PLXNA1: variants seen among roughly 807,000 people sequenced by gnomAD.
PLXNA1 encodes plexin-A1.
A neutral mutation model predicts 191.7 loss-of-function variants in PLXNA1; 77 were observed. The ratio of observed to expected loss-of-function variants is 0.40; its 90% CI spans 0.33 to 0.49. PLXNA1 has a LOEUF of 0.49. Among genes scored for constraint, PLXNA1 ranks in the 20% least tolerant of loss-of-function variants. The pLI, the probability that PLXNA1 is intolerant of heterozygous loss-of-function variation, is 0.63. For missense variants in PLXNA1, 2,110 were observed against 2,660.2 expected, an observed-to-expected ratio of 0.79 and a Z score of 4.55; for synonymous variants, 1,137 against 1,156.4, an observed-to-expected ratio of 0.98 and a Z score of 0.34.
At chr3:126,996,933 G>A (rs909895911) in intron 3 of PLXNA1, among the ~76,000 whole-genome samples, 14 of 152,216 alleles carry the variant, frequency 9.2e-5, no homozygotes, top group East Asian at 3.9e-4. Context: ...ACATGGAAGC[G>A]TGCATTGGGG....
At chr3:126,985,958 TCCCTTC>T (rs5852503) in intron 1 of PLXNA1, among the ~76,000 whole-genome samples, 22,628 of 152,180 alleles carry the variant, frequency 0.15, 1,941 homozygotes, top group African/African-American at 0.22. Flanking sequence ...CCCAGGCAAG[TCCCTTC>T]CCAGCAGACT....
In PLXNA1 at chr3:127,034,073, G is replaced by A. The variant is rs953576886; in HGVS notation, c.*56G>A. The A allele has an allele frequency of 2.1e-5, 31 of 1,457,110 alleles. No homozygotes were observed. In the African/African-American group the frequency reaches 3.3e-4, roughly 16 times the overall value. The allele number at this position is 1,457,110 out of a possible 1,614,324, so 90.3% of individuals were successfully genotyped here. A position where few individuals can be genotyped will look rare whatever the true frequency, so the allele number is the denominator to read the frequency against. On this transcript the variant is annotated 3_prime_UTR_variant, in exon 32 of 32. Coordinates refer to ENST00000393409, the MANE Select transcript of PLXNA1 (RefSeq NM_032242.4). Reference sequence around the variant, plus strand: ...GCGTGAGGACAGCTGAGCAGGGACCGGGACAGCCCTCACCGCATGCGTGTG... The same window carrying A: ...GCGTGAGGACAGCTGAGCAGGGACCAGGACAGCCCTCACCGCATGCGTGTG...
At chr3:127,017,059 CCCACCTCGGT>C in intron 17 of PLXNA1, 22 bp downstream of exon 17, 1 of 1,597,998 alleles carries the variant, frequency 6.3e-7, no homozygotes, top group Non-Finnish European at 8.6e-7. Flanking sequence ...CCCTCAGCTG[CCCACCTCGGT>C]CCAGGCCTTC....
chr3:127,003,316 C>T lies in PLXNA1; in HGVS notation c.1378-14C>T, dbSNP rs1475557262. On this transcript the variant is annotated splice_polypyrimidine_tract_variant and intron_variant, in intron 3 of 31. Coordinates refer to ENST00000393409, the MANE Select transcript of PLXNA1 (RefSeq NM_032242.4). ...TATCAGCACAGCTCCAGTTAGGGCC[C>T]CTTGCTGCCGCAGATCCTGGTGGAC... is the stretch of plus-strand genomic sequence containing the variant. The T allele has an allele frequency of 2.5e-6, 4 of 1,582,038 alleles. No homozygotes were observed. The highest frequency in any genetic ancestry group is 3.4e-5 in the Admixed American group (2 of 58,576).
In PLXNA1 at chr3:127,028,270, G is replaced by C. The variant is rs1208851624; in HGVS notation, c.4599G>C (p.Glu1533Asp). Residue 1533 changes from glutamate (E) to aspartate (D), a missense_variant, in exon 25 of 32, where the codon GAG becomes GAC. Glu to Asp is a conservative substitution (Grantham distance 45). Coordinates refer to ENST00000393409, the MANE Select transcript of PLXNA1 (RefSeq NM_032242.4). ...LDCDTVTQAK[E>D]KLLDAAYKGV... ...GTGACACGGTCACCCAGGCCAAGGA[G>C]AAGCTGCTGGACGCTGCCTACAAGG... 6.2e-7 allele frequency: 1 copy of C among 1,612,886 alleles called. No homozygotes were observed. Among genetic ancestry groups the C allele is most frequent in the South Asian group, 1.1e-5 (1 of 91,090 alleles).
intron 23 of PLXNA1, among the ~76,000 whole-genome samples, chr3:127,025,102 C>T (rs1430051381): frequency 2.0e-5 from 3 of 152,126 alleles, no homozygotes; most frequent in Non-Finnish European, 2.9e-5. Context: ...CGTTTCTGTG[C>T]GGGCTCACTC....
chr3:127,006,316 G>C (rs543686391), intron 8 of PLXNA1, 138 bp downstream of exon 8: 2 of 707,032 alleles, frequency 2.8e-6, no homozygotes, highest in Non-Finnish European at 5.0e-6. Flanking sequence ...CATGATTGGG[G>C]CTCCTGAGGC....
At chr3:127,000,262 T>C (rs2079033502) in intron 3 of PLXNA1, among the ~76,000 whole-genome samples, 1 of 152,126 alleles carries the variant, frequency 6.6e-6, no homozygotes, top group Non-Finnish European at 1.5e-5. Flanking sequence ...AGGGCATGCC[T>C]GTGGCCCGTT....
Position 126,989,226 on chromosome 3 carries a change from G to C in PLXNA1, c.633G>C (p.Glu211Asp), listed in dbSNP as rs765242147. Residue 211 changes from glutamate to aspartate, a missense_variant, in exon 2 of 32, where the codon GAG (glutamate) becomes GAC (aspartate). Transcript: ENST00000393409. ...LSSRRLMANE[E>D]DADMFGFVYQ... Reference sequence around the variant, plus strand: ...GCCGTCGGCTCATGGCCAACGAGGAGGATGCCGACATGTTCGGCTTCGTGT... The same window carrying C: ...GCCGTCGGCTCATGGCCAACGAGGACGATGCCGACATGTTCGGCTTCGTGT... 4 of 1,613,664 alleles carry C rather than the reference G, an allele frequency of 2.5e-6. No homozygotes were observed. Among genetic ancestry groups the C allele is most frequent in the Non-Finnish European group, 3.4e-6 (4 of 1,180,050 alleles).
chr3:127,009,629 T>C (rs187397214), intron 9 of PLXNA1, among the ~76,000 whole-genome samples: 2 of 128,000 alleles, frequency 1.6e-5, no homozygotes, highest in East Asian at 5.2e-4. Flanking sequence ...GAGACAGGAG[T>C]GTACTACATT....
At position 127,032,573 on chromosome 3, in the gene PLXNA1, C is replaced by A. The variant is rs2079216838; in HGVS notation, c.5418C>A (p.Ile1806=). Reference sequence around the variant, plus strand: ...ACAAGCTGCTCTACGCCAAGGACATCCCCAACTACAAGAGCTGGGTGGAGA... The same window carrying A: ...ACAAGCTGCTCTACGCCAAGGACATACCCAACTACAAGAGCTGGGTGGAGA... The part of the protein sequence containing the change: ...PSNKLLYAKD[I]PNYKSWVERY... The change falls in exon 30 of 32, where the codon ATC becomes ATA. Residue 1806 remains isoleucine (I), a synonymous_variant. Coordinates refer to ENST00000393409, the MANE Select transcript of PLXNA1 (RefSeq NM_032242.4). 6.2e-7 allele frequency: 1 copy of A among 1,613,938 alleles called. No homozygotes were observed. Among genetic ancestry groups the A allele is most frequent in the Non-Finnish European group, 8.5e-7 (1 of 1,179,986 alleles).
intron 22 of PLXNA1, 43 bp downstream of exon 22, chr3:127,022,384 C>A: frequency 6.3e-7 from 1 of 1,591,770 alleles, no homozygotes; most frequent in Non-Finnish European, 8.6e-7. Context: ...CAGGCCCATG[C>A]CTCCAGCTTT....
chr3:126,992,457 C>T (rs2078995472), intron 3 of PLXNA1, among the ~76,000 whole-genome samples: 1 of 152,174 alleles, frequency 6.6e-6, no homozygotes, highest in Non-Finnish European at 1.5e-5. Flanking sequence ...GGGCTTGCAG[C>T]TCTCAGCCCG....
chr3:127,028,817 G>A, intron 25 of PLXNA1, 176 bp from the exon 26 acceptor site: 1 of 601,130 alleles, frequency 1.7e-6, no homozygotes. Context: ...TGGGAGGGCT[G>A]TGGCACATTG....
rs991229412 is a variant in PLXNA1, at chr3:127,029,722, G to A, written c.4871-152G>A. 66 of 1,089,360 alleles carry A rather than the reference G, an allele frequency of 6.1e-5. 1 individual carries two copies. Among genetic ancestry groups the A allele is most frequent in the African/African-American group, 4.1e-4 (26 of 63,534 alleles). The allele number at this position is 1,089,360 out of a possible 1,614,324, so 67.5% of individuals were successfully genotyped here. On this transcript the variant is annotated intron_variant, in intron 27 of 31. Coordinates refer to ENST00000393409, the MANE Select transcript of PLXNA1 (RefSeq NM_032242.4). The stretch of plus-strand genomic sequence containing the variant: ...TGCGCCTCCTCGCGACTGTGTGTCC[G>A]TACACAATTATGCCACCTCTGTGGT...
chr3:127,021,300 G>C (rs2079151139), intron 21 of PLXNA1, among the ~76,000 whole-genome samples: 1 of 152,196 alleles, frequency 6.6e-6, no homozygotes, highest in African/African-American at 2.4e-5. Context: ...CTGTCACACT[G>C]TCTCTCTCAG....
Position 127,032,480 on chromosome 3 carries a change from G to A in PLXNA1, c.5325G>A (p.Val1775=). The A allele has an allele frequency of 6.2e-7, 1 of 1,614,102 alleles. No homozygotes were observed. The highest frequency in any genetic ancestry group is 1.7e-5 in the Admixed American group (1 of 60,020). The change falls in exon 30 of 32, where the codon GTG becomes GTA. Residue 1775 remains valine, a synonymous_variant. Transcript: ENST00000393409. ...KNSITDACLS[V]VAQTFMDSCS... ...GCATCACGGACGCCTGCTTGTCGGT[G>A]GTGGCCCAGACCTTCATGGACTCCT...
chr3:127,021,584 G>C (rs1339007934), intron 21 of PLXNA1, among the ~76,000 whole-genome samples: 1 of 152,202 alleles, frequency 6.6e-6, no homozygotes, highest in African/African-American at 2.4e-5. Flanking sequence ...GCAGAGACTG[G>C]TCGTGCATTG....
Position 127,015,320 on chromosome 3 carries a change from G to C in PLXNA1, c.3014G>C (p.Trp1005Ser). 1.9e-6 allele frequency: 3 copies of C among 1,601,208 alleles called. No homozygotes were observed. Among genetic ancestry groups the C allele is most frequent in the Non-Finnish European group, 2.6e-6 (3 of 1,176,186 alleles). The part of the protein sequence containing the change: ...SVGGRPCSFS[W>S]RNSREIRCLT... Reference sequence around the variant, plus strand: ...GGTGGCCGGCCCTGCTCCTTCTCCTGGTACGGGGTGCAGGTGGGGGTGGGG... The same window carrying C: ...GGTGGCCGGCCCTGCTCCTTCTCCTCGTACGGGGTGCAGGTGGGGGTGGGG... Residue 1005 changes from tryptophan to serine, a missense_variant and splice_region_variant, in exon 15 of 32, where the codon TGG (tryptophan) becomes TCG (serine). By Grantham distance (177) the Trp-to-Ser change is radical (BLOSUM62 -3). Transcript: ENST00000393409.
Sources: gnomAD v4.1 joint callset for allele counts (sites outside exome capture counted in the v4.1 genomes callset) on GRCh38, gnomAD v4.1.1 for gene constraint, MANE v1.5 for transcripts, NCBI Gene and HGNC (gene_info 2026-07-23, HGNC 2026-07-21) for gene names.